Variants in FBXW7 observed in about 807,000 individuals in gnomAD.
FBXW7 encodes the protein F-box/WD repeat-containing protein 7.
FBXW7 carries 11 observed loss-of-function variants against 86.3 expected under a neutral mutation model. The ratio of observed to expected loss-of-function variants is 0.13; its 90% confidence interval spans 0.08 to 0.21. The LOEUF is 0.21. Ranked by LOEUF, FBXW7 falls within the 10% of genes least tolerant of loss-of-function variation. FBXW7 has a pLI of 1.00. For synonymous variants in FBXW7, 313 were observed against 297.9 expected (o/e 1.05, Z -0.52); for missense variants, 488 against 847.4 (o/e 0.58, Z 5.27).
Position 152,535,749 on chromosome 4 carries a change from C to A in FBXW7, c.-835G>T. On this transcript the variant is annotated 5_prime_UTR_variant, in exon 1 of 14. Transcript: ENST00000281708. ...GCGCCTCCTCAGCGTTCTCTCACCG[C>A]GGAGCAGCTACCCACTCCCGGCCCG... 2.5e-6 allele frequency: 1 copy of A among 394,060 alleles called. No homozygotes were observed. The highest frequency in any genetic ancestry group is 4.5e-6 in the Non-Finnish European group (1 of 222,942). The allele number at this position is 394,060 out of a possible 1,614,324, so 24.4% of individuals were successfully genotyped here. A position where few individuals can be genotyped will look rare whatever the true frequency, so the allele number is the denominator to read the frequency against.
chr4:152,464,103 C>G (rs1373501699), intron 2 of FBXW7, among the ~76,000 whole-genome samples: 8 of 152,168 alleles, frequency 5.3e-5, no homozygotes, highest in Non-Finnish European at 1.0e-4. Context: ...TAATGTTTAT[C>G]TACCTAGTTA....
intron 2 of FBXW7, among the ~76,000 whole-genome samples, chr4:152,480,687 A>T (rs569023392): frequency 2.2e-4 from 33 of 152,356 alleles, no homozygotes; most frequent in Non-Finnish European, 4.3e-4. Context: ...AGGAACAAGA[A>T]AGAGCCTTAC....
chr4:152,355,909 G>A (rs1177667188), intron 4 of FBXW7, among the ~76,000 whole-genome samples: 3 of 152,014 alleles, frequency 2.0e-5, no homozygotes, highest in Non-Finnish European at 4.4e-5. Context: ...CAAATAATTG[G>A]GACGACTTAA....
chr4:152,432,111 C>T (rs1739946364), intron 2 of FBXW7, among the ~76,000 whole-genome samples: 2 of 152,176 alleles, frequency 1.3e-5, no homozygotes, highest in African/African-American at 2.4e-5. Context: ...TTATTTGGTC[C>T]TATCATATTC....
intron 2 of FBXW7, among the ~76,000 whole-genome samples, chr4:152,479,284 C>T (rs1744676304): frequency 6.6e-6 from 1 of 151,960 alleles, no homozygotes; most frequent in South Asian, 2.1e-4. Context: ...AGTAATAAAA[C>T]CATTAAGACA....
chr4:152,418,506 GA>G (rs1308622744), intron 2 of FBXW7, among the ~76,000 whole-genome samples: 6 of 151,968 alleles, frequency 3.9e-5, no homozygotes, highest in Non-Finnish European at 4.4e-5. Flanking sequence ...AGGAGCTGCA[GA>G]AAAAAAACTG....
At chr4:152,524,079 A>T (rs2149735888) in intron 2 of FBXW7, among the ~76,000 whole-genome samples, 1 of 152,350 alleles carries the variant, frequency 6.6e-6, no homozygotes, top group South Asian at 2.1e-4. Context: ...GCAGCAGCTA[A>T]CATTTACTGG....
intron 2 of FBXW7, among the ~76,000 whole-genome samples, chr4:152,441,538 A>G (rs1379636330): frequency 6.6e-6 from 1 of 152,208 alleles, no homozygotes; most frequent in Non-Finnish European, 1.5e-5. Flanking sequence ...TTTTAAAATA[A>G]TAAAATTCAG....
intron 2 of FBXW7, among the ~76,000 whole-genome samples, chr4:152,496,655 T>C (rs1003440526): frequency 6.7e-6 from 1 of 149,120 alleles, no homozygotes; most frequent in African/African-American, 2.5e-5. Context: ...AGACTCCATC[T>C]CAAAAAAAAA....
chr4:152,350,441 A>G (rs1351664868), intron 4 of FBXW7, among the ~76,000 whole-genome samples: 1 of 151,774 alleles, frequency 6.6e-6, no homozygotes, highest in Non-Finnish European at 1.5e-5. Flanking sequence ...TAACCAACAT[A>G]GGGAAAAATC....
intron 2 of FBXW7, among the ~76,000 whole-genome samples, chr4:152,529,401 A>G (rs767046272): frequency 3.3e-5 from 5 of 152,220 alleles, no homozygotes; most frequent in Non-Finnish European, 7.3e-5. Context: ...AGTTCAATTT[A>G]AGTAACAATA....
chr4:152,374,557 A>G (rs1398681002), intron 4 of FBXW7, among the ~76,000 whole-genome samples: 3 of 152,120 alleles, frequency 2.0e-5, no homozygotes, highest in African/African-American at 7.2e-5. Context: ...CAGACACTTC[A>G]ATGAATCAGC....
chr4:152,333,938 C>A (rs1420878203), intron 7 of FBXW7, among the ~76,000 whole-genome samples: 5 of 152,014 alleles, frequency 3.3e-5, no homozygotes, highest in African/African-American at 1.2e-4. Context: ...CTTATAATCC[C>A]AGCTACTCAG....
chr4:152,463,742 G>A (rs745889485), intron 2 of FBXW7, among the ~76,000 whole-genome samples: 9 of 152,206 alleles, frequency 5.9e-5, no homozygotes, highest in Non-Finnish European at 1.2e-4. Context: ...GAAAAATGTG[G>A]TATTTCTGAG....
intron 4 of FBXW7, among the ~76,000 whole-genome samples, chr4:152,359,712 G>A (rs1327930756): frequency 1.3e-5 from 2 of 151,974 alleles, no homozygotes; most frequent in Non-Finnish European, 2.9e-5. Context: ...GCAGTGAGCT[G>A]AGATCGTGCC....
chr4:152,357,701 T>C (rs1266686283), intron 4 of FBXW7, among the ~76,000 whole-genome samples: 6 of 152,158 alleles, frequency 3.9e-5, no homozygotes, highest in African/African-American at 1.4e-4. Flanking sequence ...GACACACTAA[T>C]CAACTGCAGT....
chr4:152,476,416 C>A (rs565498493), intron 2 of FBXW7, among the ~76,000 whole-genome samples: 1 of 152,172 alleles, frequency 6.6e-6, no homozygotes, highest in Non-Finnish European at 1.5e-5. Flanking sequence ...TGATTTTCAA[C>A]TAGGCAAAAA....
At chr4:152,378,669 G>A (rs1407636894) in intron 4 of FBXW7, among the ~76,000 whole-genome samples, 6 of 152,112 alleles carry the variant, frequency 3.9e-5, no homozygotes, top group African/African-American at 1.4e-4. Context: ...AATGAGTCAA[G>A]AGATGAAATT....
chr4:152,440,545 T>C (rs1275310606), intron 2 of FBXW7, among the ~76,000 whole-genome samples: 1 of 152,194 alleles, frequency 6.6e-6, no homozygotes, highest in Non-Finnish European at 1.5e-5. Context: ...ACTTAAAATA[T>C]TTAAGTTTAC....
Sources: allele counts gnomAD v4.1 joint callset (sites outside exome capture counted in the v4.1 genomes callset), GRCh38; gene constraint gnomAD v4.1.1; transcripts MANE v1.5; gene names NCBI Gene and HGNC (gene_info 2026-07-23, HGNC 2026-07-21).